Variants in SLC4A10 observed in about 807,000 individuals in gnomAD.
SLC4A10 encodes solute carrier family 4 member 10.
In SLC4A10, 42 loss-of-function variants were observed where a neutral mutation model predicts 137.7. That is an observed-to-expected ratio of 0.30 (90% CI 0.24 to 0.39). The LOEUF (loss-of-function observed/expected upper bound fraction) is 0.39. Ranked by LOEUF, SLC4A10 falls within the 10% of genes least tolerant of loss-of-function variation. SLC4A10 has a pLI of 1.00. For missense variants in SLC4A10, 925 were observed against 1,355.0 expected (o/e 0.68, Z 4.98); for synonymous variants, 474 against 464.1 (o/e 1.02, Z -0.27).
At chr2:161,629,605 C>T (rs2033138913) in intron 1 of SLC4A10, among the ~76,000 whole-genome samples, 1 of 151,748 alleles carries the variant, frequency 6.6e-6, no homozygotes, top group Admixed American at 6.6e-5. Context: ...GTTGGACATC[C>T]TATAGTTTTG....
rs549474236 is a variant in SLC4A10, at chr2:161,979,112, G to T, written c.*26+1352G>T. 3.3e-5 allele frequency among the ~76,000 whole-genome samples: 5 copies of T among 152,252 alleles called. No homozygotes were observed. In the East Asian group the frequency reaches 9.7e-4, roughly 29 times the overall value. ...TATGAGCTCAAAATAAAATGCCCTT[G>T]ATGGTCAATGTGTTGAGAATTTGAA... On this transcript the variant is annotated intron_variant, in intron 26 of 26. Transcript: ENST00000446997.
At chr2:161,706,353 A>T (rs1426246805) in intron 1 of SLC4A10, among the ~76,000 whole-genome samples, 2 of 151,620 alleles carry the variant, frequency 1.3e-5, no homozygotes, top group African/African-American at 4.8e-5. Context: ...AATAACTTTG[A>T]TATGTAATAG....
chr2:161,800,047 G>C (rs970743112), intron 2 of SLC4A10, among the ~76,000 whole-genome samples: 6 of 151,996 alleles, frequency 3.9e-5, no homozygotes, highest in African/African-American at 1.4e-4. Context: ...ATGTAAACCA[G>C]TAGCTCTGGG....
At chr2:161,631,862 G>T (rs2033621169) in intron 1 of SLC4A10, among the ~76,000 whole-genome samples, 1 of 151,658 alleles carries the variant, frequency 6.6e-6, no homozygotes, top group African/African-American at 2.4e-5. Flanking sequence ...TACAAACTCA[G>T]TTGGATAGAG....
intron 8 of SLC4A10, among the ~76,000 whole-genome samples, chr2:161,877,566 C>A (rs2061513913): frequency 6.6e-6 from 1 of 151,794 alleles, no homozygotes. Context: ...AGATAAATAC[C>A]TACAAAAATA....
chr2:161,740,972 T>C lies in SLC4A10; in HGVS notation c.49-30001T>C, dbSNP rs540239703. Reference sequence around the variant, plus strand: ...CCTCACTTCAAATAGTTACCTCTTTTTTGTGTGTGGCAAAAGCACCTAAAC... The same window carrying C: ...CCTCACTTCAAATAGTTACCTCTTTCTTGTGTGTGGCAAAAGCACCTAAAC... On this transcript the variant is annotated intron_variant, in intron 1 of 26. Transcript: ENST00000446997. 2.0e-5 allele frequency among the ~76,000 whole-genome samples: 3 copies of C among 152,290 alleles called. No homozygotes were observed. The East Asian group carries it at 5.8e-4, about 29-fold the overall frequency.
chr2:161,795,709 C>G (rs557338560), intron 2 of SLC4A10, among the ~76,000 whole-genome samples: 2 of 152,154 alleles, frequency 1.3e-5, no homozygotes, highest in Admixed American at 1.3e-4. Flanking sequence ...TTTTGAACCT[C>G]AATTTCATTA....
At position 161,879,278 on chromosome 2, in the gene SLC4A10, A is replaced by G. The variant is rs369816610; in HGVS notation, c.1096A>G (p.Ile366Val). 4.3e-6 allele frequency: 7 copies of G among 1,609,666 alleles called. 1 individual carries two copies. The South Asian group carries it at 5.5e-5, about 13-fold the overall frequency. Residue 366 changes from isoleucine (I) to valine (V), a missense_variant, in exon 9 of 27, where the codon ATC (isoleucine) becomes GTC (valine). By Grantham distance (29) the Ile-to-Val change is conservative (BLOSUM62 3). This residue lies in a region of SLC4A10 where 277 missense variants were observed against 306.1 expected (regional missense o/e 0.90). Coordinates refer to ENST00000446997, the MANE Select transcript of SLC4A10 (RefSeq NM_001178015.2). Reference protein sequence around the residue: ...VLLQGLAEVPIPTRFLFILLG... With the variant: ...VLLQGLAEVPVPTRFLFILLG... Reference sequence around the variant, plus strand: ...GCTTCAAGGACTGGCTGAAGTCCCAATCCCAACCAGGTAAAAAGTATAAAA... The same window carrying G: ...GCTTCAAGGACTGGCTGAAGTCCCAGTCCCAACCAGGTAAAAAGTATAAAA...
chr2:161,839,385 A>G (rs913548432), intron 3 of SLC4A10, among the ~76,000 whole-genome samples: 2 of 152,170 alleles, frequency 1.3e-5, no homozygotes, highest in East Asian at 1.9e-4. Flanking sequence ...GTTTTAGTAT[A>G]AATGAATTTT....
intron 15 of SLC4A10, among the ~76,000 whole-genome samples, chr2:161,913,584 AG>A (rs1686376643): frequency 6.6e-6 from 1 of 152,212 alleles, no homozygotes; most frequent in Admixed American, 6.5e-5. Context: ...GTCTTTTCAA[AG>A]TCCCTCTGAA....
intron 1 of SLC4A10, among the ~76,000 whole-genome samples, chr2:161,638,687 A>G (rs1000964005): frequency 6.6e-6 from 1 of 152,070 alleles, no homozygotes; most frequent in African/African-American, 2.4e-5. Context: ...TAGGGATTAC[A>G]TTAATTCTGT....
intron 23 of SLC4A10, among the ~76,000 whole-genome samples, chr2:161,972,703 A>G (rs1698769104): frequency 6.6e-6 from 1 of 152,204 alleles, no homozygotes. Flanking sequence ...TTCTGGGGAA[A>G]GCTTCTAAGC....
At chr2:161,726,979 C>T in intron 1 of SLC4A10, among the ~76,000 whole-genome samples, 1 of 152,352 alleles carries the variant, frequency 6.6e-6, no homozygotes, top group Non-Finnish European at 1.5e-5. Flanking sequence ...GTTAATCACA[C>T]TTCCAAATAC....
chr2:161,744,819 T>G (rs371479227), intron 1 of SLC4A10, among the ~76,000 whole-genome samples: 1 of 150,628 alleles, frequency 6.6e-6, no homozygotes, highest in Non-Finnish European at 1.5e-5. Context: ...AAAAAGATAT[T>G]GTAGTTTTAT....
intron 6 of SLC4A10, among the ~76,000 whole-genome samples, chr2:161,870,024 T>A (rs2061012653): frequency 6.6e-6 from 1 of 151,444 alleles, no homozygotes; most frequent in Non-Finnish European, 1.5e-5. Flanking sequence ...TTAAAATATT[T>A]ATAAAAATAG....
intron 3 of SLC4A10, 34 bp from the exon 4 acceptor site, chr2:161,839,755 A>C: frequency 6.2e-7 from 1 of 1,610,842 alleles, no homozygotes; most frequent in South Asian, 1.1e-5. Context: ...GTGGTAATAC[A>C]TGTTCATGGT....
intron 1 of SLC4A10, among the ~76,000 whole-genome samples, chr2:161,689,445 C>G (rs1398965704): frequency 6.6e-6 from 1 of 152,156 alleles, no homozygotes; most frequent in Non-Finnish European, 1.5e-5. Flanking sequence ...CAATTGCATA[C>G]ACTATTCAGT....
intron 1 of SLC4A10, among the ~76,000 whole-genome samples, chr2:161,667,044 T>C (rs909693329): frequency 8.6e-5 from 13 of 151,686 alleles, no homozygotes; most frequent in Admixed American, 6.6e-5. Flanking sequence ...ATGAAATTGA[T>C]CACTGTTATT....
chr2:161,805,715 CTCTGCCCTCGTGGCTTTGCAGGATA>C (rs2055875819), intron 3 of SLC4A10, among the ~76,000 whole-genome samples: 2 of 152,218 alleles, frequency 1.3e-5, no homozygotes, highest in Non-Finnish European at 2.9e-5. Flanking sequence ...TCTTGGGCAG[CTCTGCCCTCGTGGCTTTGCAGGATA>C]TAGCCCACCT....
Sources: gnomAD v4.1 joint callset for allele counts (sites outside exome capture counted in the v4.1 genomes callset) on GRCh38, gnomAD v4.1.1 for gene constraint, gnomAD v4.1.1 regional missense constraint, MANE v1.5 for transcripts, NCBI Gene and HGNC (gene_info 2026-07-23, HGNC 2026-07-21) for gene names.